The following WWOX variants were observed in gnomAD, a reference collection of about 807,000 sequenced individuals.
WWOX encodes the protein WW domain containing oxidoreductase, also known as WW domain-containing oxidoreductase.
Under a neutral mutation model 46.2 loss-of-function variants are expected in WWOX, and 69 were observed. The observed-to-expected ratio is 1.49, with a 90% confidence interval of 1.23 to 1.82. The LOEUF is 1.82. Ranked by LOEUF, WWOX falls within the 40% of genes most tolerant of loss-of-function variation. WWOX has a pLI of 0.00. For synonymous variants in WWOX, 359 were observed against 202.6 expected (o/e 1.77, Z -6.56); for missense variants, 919 against 542.6 (o/e 1.69, Z -6.89).
At chr16:78,309,026 T>C (rs1418682361) in intron 5 of WWOX, among the ~76,000 whole-genome samples, 1 of 152,148 alleles carries the variant, frequency 6.6e-6, no homozygotes, top group African/African-American at 2.4e-5. Context: ...CCACCCAAAA[T>C]CAGTCCTTTC....
Position 78,387,350 on chromosome 16 carries a change from C to A in WWOX, c.605+402C>A, listed in dbSNP as rs543232060. 1.6e-4 allele frequency among the ~76,000 whole-genome samples: 24 copies of A among 152,108 alleles called. 1 individual carries two copies. Among genetic ancestry groups the A allele is most frequent in the Admixed American group, 5.2e-4 (8 of 15,274 alleles). On this transcript the variant is annotated intron_variant, in intron 6 of 8. Transcript: ENST00000566780. ...CAGTATGGCAGGGAGGTTGACAATCCAAGCACCCAAAAGACCTCTAGTTTC... is the reference window on the plus strand; with the variant it reads ...CAGTATGGCAGGGAGGTTGACAATCAAAGCACCCAAAAGACCTCTAGTTTC...
chr16:79,042,589 A>G (rs1158229137), intron 8 of WWOX, among the ~76,000 whole-genome samples: 1 of 152,234 alleles, frequency 6.6e-6, no homozygotes, highest in Non-Finnish European at 1.5e-5. Context: ...TGCAGCATGG[A>G]AATTTGGAGC....
At chr16:78,994,969 C>CTTTTTTTTTTTTTTTTTTTT (rs869088414) in intron 8 of WWOX, among the ~76,000 whole-genome samples, 10 of 114,644 alleles carry the variant, frequency 8.7e-5, no homozygotes, top group South Asian at 2.9e-4. Context: ...TCTTCTTCTT[C>CTTTTTTTTTTTTTTTTTTTT]TTTTTTTTTT....
At chr16:78,212,693 A>G (rs1001555575) in intron 5 of WWOX, among the ~76,000 whole-genome samples, 1 of 152,156 alleles carries the variant, frequency 6.6e-6, no homozygotes, top group Non-Finnish European at 1.5e-5. Context: ...TAGGATAGAT[A>G]TTGCCCCTTG....
At chr16:78,888,593 C>G (rs935831674) in intron 8 of WWOX, among the ~76,000 whole-genome samples, 6 of 152,134 alleles carry the variant, frequency 3.9e-5, no homozygotes, top group Non-Finnish European at 7.4e-5. Context: ...AGACAGCTGT[C>G]ATTCTAATGA....
intron 8 of WWOX, among the ~76,000 whole-genome samples, chr16:79,068,415 C>G (rs1479855178): frequency 2.6e-5 from 4 of 152,110 alleles, no homozygotes; most frequent in Non-Finnish European, 5.9e-5. Context: ...GAGAGTAGCT[C>G]TGTGCTGCCT....
chr16:78,871,888 C>T (rs1371322411), intron 8 of WWOX, among the ~76,000 whole-genome samples: 4 of 152,146 alleles, frequency 2.6e-5, no homozygotes, highest in East Asian at 1.9e-4. Context: ...CAGGTGTGAG[C>T]CCCCAGGCCC....
At chr16:78,929,913 A>G (rs1393395984) in intron 8 of WWOX, among the ~76,000 whole-genome samples, 2 of 152,164 alleles carry the variant, frequency 1.3e-5, no homozygotes, top group Non-Finnish European at 2.9e-5. Flanking sequence ...AGAATTTTCT[A>G]AGAGGTACAC....
chr16:79,112,044 A>G (rs916760205), intron 8 of WWOX, among the ~76,000 whole-genome samples: 5 of 152,008 alleles, frequency 3.3e-5, no homozygotes, highest in African/African-American at 9.7e-5. Context: ...CCATACCTCA[A>G]TGTCCAGACT....
At chr16:78,269,533 G>A (rs1567469647) in intron 5 of WWOX, among the ~76,000 whole-genome samples, 1 of 152,142 alleles carries the variant, frequency 6.6e-6, no homozygotes, top group Admixed American at 6.5e-5. Flanking sequence ...TTCAGCCACC[G>A]ATTTAACAAA....
intron 8 of WWOX, among the ~76,000 whole-genome samples, chr16:79,145,490 C>T (rs2050167434): frequency 6.6e-6 from 1 of 152,168 alleles, no homozygotes. Context: ...TTATGAGCCA[C>T]CGCATCCAGC....
At chr16:78,812,808 A>C (rs2051225658) in intron 8 of WWOX, among the ~76,000 whole-genome samples, 1 of 151,634 alleles carries the variant, frequency 6.6e-6, no homozygotes, top group Non-Finnish European at 1.5e-5. Flanking sequence ...TAAACTAAAG[A>C]CCCCATGTTT....
intron 5 of WWOX, among the ~76,000 whole-genome samples, chr16:78,329,371 G>A (rs1476133229): frequency 6.6e-6 from 1 of 152,154 alleles, no homozygotes; most frequent in African/African-American, 2.4e-5. Context: ...AACGTGGTTT[G>A]TTTCTTAGAA....
chr16:78,120,287 T>A (rs1317175704), intron 4 of WWOX, among the ~76,000 whole-genome samples: 10 of 152,124 alleles, frequency 6.6e-5, no homozygotes, highest in Admixed American at 3.9e-4. Flanking sequence ...TATAAATATT[T>A]CAGCCGGGCG....
rs79423401 is a variant in WWOX, at chr16:78,386,843, A to G, written c.517-17A>G. 1,219 of 1,606,484 alleles carry G rather than the reference A, an allele frequency of 7.6e-4. 31 individuals carry two copies. In the East Asian group the frequency reaches 0.027, roughly 35 times the overall value. On this transcript the variant is annotated splice_polypyrimidine_tract_variant and intron_variant, in intron 5 of 8. Transcript: ENST00000566780. ...TTGCTGTTATTTATCATTTCTTTTT[A>G]TTTTCTCTCATTGCAGCATAAAGCC...
chr16:78,625,264 A>C (rs1392347655), intron 8 of WWOX, among the ~76,000 whole-genome samples: 1 of 152,156 alleles, frequency 6.6e-6, no homozygotes, highest in East Asian at 1.9e-4. Context: ...CTTTAGCCTC[A>C]GTCCCTCTGT....
chr16:78,330,265 A>C (rs1451174184), intron 5 of WWOX, among the ~76,000 whole-genome samples: 1 of 152,210 alleles, frequency 6.6e-6, no homozygotes, highest in East Asian at 1.9e-4. Flanking sequence ...TGTTCACTTA[A>C]AGTGGTTAAA....
At chr16:79,000,522 G>A (rs1298312903) in intron 8 of WWOX, among the ~76,000 whole-genome samples, 1 of 152,094 alleles carries the variant, frequency 6.6e-6, no homozygotes. Context: ...AAGAGGACTT[G>A]GCCTGATGTT....
At chr16:78,538,087 G>A (rs1165208490) in intron 8 of WWOX, among the ~76,000 whole-genome samples, 1 of 152,020 alleles carries the variant, frequency 6.6e-6, no homozygotes, top group Non-Finnish European at 1.5e-5. Flanking sequence ...ACAGAAGGGG[G>A]TAATTATTTT....
Sources: allele counts gnomAD v4.1 joint callset (sites outside exome capture counted in the v4.1 genomes callset), GRCh38; gene constraint gnomAD v4.1.1; transcripts MANE v1.5; gene names NCBI Gene and HGNC (gene_info 2026-07-23, HGNC 2026-07-21).